WFDC10B: variants seen among roughly 807,000 people sequenced by gnomAD.
WFDC10B encodes the protein protein WFDC10B.
WFDC10B carries 1 observed loss-of-function variant against 2.7 expected under a neutral mutation model. The ratio of observed to expected loss-of-function variants is 0.38; its 90% confidence interval spans 0.13 to 1.79. WFDC10B has a LOEUF of 1.79. Ranked by LOEUF, WFDC10B falls within the 40% of genes most tolerant of loss-of-function variation. WFDC10B has a pLI of 0.33. For synonymous variants in WFDC10B, 26 were observed against 32.2 expected, an observed-to-expected ratio of 0.81 and a Z score of 0.65; for missense variants, 71 against 87.8, an observed-to-expected ratio of 0.81 and a Z score of 0.76.
intron 2 of WFDC10B, among the ~76,000 whole-genome samples, chr20:45,692,691 T>TA (rs2145637554): frequency 6.6e-6 from 1 of 152,356 alleles, no homozygotes; most frequent in Non-Finnish European, 1.5e-5. Context: ...TCAGCTCCTT[T>TA]AAGCACTTCT....
chr20:45,689,556 C>T (rs8184003), intron 2 of WFDC10B, among the ~76,000 whole-genome samples: 26,584 of 152,018 alleles, frequency 0.17, 2,502 homozygotes, highest in East Asian at 0.32. Context: ...AGGTCCTTCA[C>T]GTCCCTTTTA....
At chr20:45,696,686 A>C (rs1050777335) in intron 2 of WFDC10B, among the ~76,000 whole-genome samples, 3 of 152,178 alleles carry the variant, frequency 2.0e-5, no homozygotes, top group Non-Finnish European at 2.9e-5. Flanking sequence ...CTCACAAATC[A>C]CCAAAACTGA....
chr20:45,704,597 A>C (rs1263572385), intron 1 of WFDC10B, 36 bp from the exon 2 acceptor site: 49 of 1,613,786 alleles, frequency 3.0e-5, no homozygotes, highest in Non-Finnish European at 4.1e-5. Context: ...CGCAACAGGT[A>C]AGAGATATCT....
At position 45,702,618 on chromosome 20, in the gene WFDC10B, G is replaced by A. The variant is rs138947280; in HGVS notation, c.-65+1879C>T. On this transcript the variant is annotated intron_variant, in intron 2 of 3. Coordinates refer to ENST00000330523, the MANE Select transcript of WFDC10B (RefSeq NM_172006.2). ...AAACAGAGAGACAACGAAGTTGGTA[G>A]AACTCAAGCTAGAATCTACATAACC... Among the ~76,000 whole-genome samples the A allele has an allele frequency of 2.6e-3, 389 of 152,344 alleles. 3 individuals carry two copies. The highest frequency in any genetic ancestry group is 0.014 in the Middle Eastern group (4 of 294).
chr20:45,691,192 T>C (rs1417212702), intron 2 of WFDC10B, among the ~76,000 whole-genome samples: 1 of 152,234 alleles, frequency 6.6e-6, no homozygotes. Flanking sequence ...TGCACTGTGA[T>C]CTGAGAGATA....
At chr20:45,689,703 C>A (rs1983743987) in intron 2 of WFDC10B, among the ~76,000 whole-genome samples, 1 of 152,148 alleles carries the variant, frequency 6.6e-6, no homozygotes, top group Admixed American at 6.5e-5. Context: ...TATCCTGAGA[C>A]TTTGCTGAAG....
intron 2 of WFDC10B, among the ~76,000 whole-genome samples, chr20:45,701,803 T>A (rs1280141586): frequency 6.7e-6 from 1 of 149,768 alleles, no homozygotes; most frequent in Non-Finnish European, 1.5e-5. Context: ...TGTGAATAAA[T>A]ATAACATGTA....
At chr20:45,688,008 A>T (rs1177617743) in intron 2 of WFDC10B, among the ~76,000 whole-genome samples, 1 of 138,264 alleles carries the variant, frequency 7.2e-6, no homozygotes, top group African/African-American at 2.6e-5. Context: ...ATATCTCCCA[A>T]TGCTATCCCT....
At chr20:45,695,423 TA>T (rs1983948636) in intron 2 of WFDC10B, among the ~76,000 whole-genome samples, 1 of 152,148 alleles carries the variant, frequency 6.6e-6, no homozygotes, top group East Asian at 1.9e-4. Context: ...AACAACACTA[TA>T]AACCTAAGAC....
At chr20:45,690,523 T>C (rs1377515833) in intron 2 of WFDC10B, among the ~76,000 whole-genome samples, 1 of 151,720 alleles carries the variant, frequency 6.6e-6, no homozygotes, top group Admixed American at 6.6e-5. Context: ...TCAGCTCCTG[T>C]TATTGGTCTA....
At chr20:45,697,315 CA>C (rs1984006001) in intron 2 of WFDC10B, among the ~76,000 whole-genome samples, 1 of 147,144 alleles carries the variant, frequency 6.8e-6, no homozygotes, top group Non-Finnish European at 1.5e-5. Flanking sequence ...TTGTATACCA[CA>C]AAATACAGAA....
intron 2 of WFDC10B, among the ~76,000 whole-genome samples, chr20:45,693,090 C>T (rs1983866537): frequency 6.6e-6 from 1 of 152,178 alleles, no homozygotes; most frequent in Non-Finnish European, 1.5e-5. Context: ...GCTAGAGGTC[C>T]ACTCCAGACC....
intron 2 of WFDC10B, among the ~76,000 whole-genome samples, chr20:45,688,177 A>C (rs1302428161): frequency 1.3e-5 from 2 of 151,876 alleles, no homozygotes; most frequent in Non-Finnish European, 2.9e-5. Flanking sequence ...TTCCAACTTC[A>C]TCCATGTCCC....
intron 2 of WFDC10B, among the ~76,000 whole-genome samples, chr20:45,691,179 G>A (rs1043560314): frequency 6.6e-6 from 1 of 152,172 alleles, no homozygotes; most frequent in Non-Finnish European, 1.5e-5. Flanking sequence ...GTTCTAGTTT[G>A]ATTGCACTGT....
chr20:45,699,254 T>G (rs1984074253), intron 2 of WFDC10B, among the ~76,000 whole-genome samples: 1 of 152,142 alleles, frequency 6.6e-6, no homozygotes, highest in African/African-American at 2.4e-5. Flanking sequence ...GTTAAACATA[T>G]GACCCAGCAG....
intron 2 of WFDC10B, among the ~76,000 whole-genome samples, chr20:45,699,530 T>A (rs1256153409): frequency 2.0e-5 from 3 of 152,182 alleles, no homozygotes; most frequent in Non-Finnish European, 4.4e-5. Flanking sequence ...TACCCAATTG[T>A]TTTGGAAAAA....
chr20:45,699,966 C>T (rs1184371829), intron 2 of WFDC10B, among the ~76,000 whole-genome samples: 2 of 152,194 alleles, frequency 1.3e-5, no homozygotes, highest in African/African-American at 2.4e-5. Context: ...CGTGAGCCAC[C>T]GCACCCAGCC....
At chr20:45,702,787 C>T (rs748539851) in intron 2 of WFDC10B, among the ~76,000 whole-genome samples, 8 of 152,200 alleles carry the variant, frequency 5.3e-5, no homozygotes, top group Non-Finnish European at 1.0e-4. Flanking sequence ...CCACCACTGC[C>T]CAGCTCAACT....
intron 2 of WFDC10B, among the ~76,000 whole-genome samples, chr20:45,693,828 G>A (rs1262733479): frequency 6.6e-6 from 1 of 152,220 alleles, no homozygotes; most frequent in Non-Finnish European, 1.5e-5. Flanking sequence ...ACGGTGCGCT[G>A]CACCCACTGA....
Sources: gnomAD v4.1 joint callset for allele counts (sites outside exome capture counted in the v4.1 genomes callset) on GRCh38, gnomAD v4.1.1 for gene constraint, MANE v1.5 for transcripts, NCBI Gene and HGNC (gene_info 2026-07-23, HGNC 2026-07-21) for gene names.